The following PRKCZ variants were observed in gnomAD, a reference collection of about 807,000 sequenced individuals.
PRKCZ encodes the protein protein kinase C zeta type.
PRKCZ carries 33 observed loss-of-function variants against 79.5 expected under a neutral mutation model. That is an observed-to-expected ratio of 0.41 (90% CI 0.31 to 0.55). PRKCZ has a LOEUF of 0.55. Ranked by LOEUF, PRKCZ falls within the 20% of genes least tolerant of loss-of-function variation. PRKCZ has a pLI of 0.19. For missense variants in PRKCZ, 578 were observed against 813.5 expected (o/e 0.71, Z 3.52); for synonymous variants, 342 against 320.9 (o/e 1.07, Z -0.70).
intron 4 of PRKCZ, among the ~76,000 whole-genome samples, chr1:2,061,525 C>A (rs749911190): frequency 2.0e-5 from 3 of 152,140 alleles, no homozygotes; most frequent in Non-Finnish European, 4.4e-5. Flanking sequence ...CGAGGAAGGA[C>A]CTCCTGGGAC....
intron 4 of PRKCZ, among the ~76,000 whole-genome samples, chr1:2,103,486 G>T (rs1215265508): frequency 2.6e-5 from 4 of 152,132 alleles, no homozygotes; most frequent in Non-Finnish European, 5.9e-5. Context: ...CAGGTGCTCC[G>T]CAGGGAAAGC....
intron 4 of PRKCZ, among the ~76,000 whole-genome samples, chr1:2,085,212 G>A (rs949254293): frequency 6.6e-6 from 1 of 152,206 alleles, no homozygotes; most frequent in African/African-American, 2.4e-5. Context: ...AGACTGTACG[G>A]CTCTCTGAAA....
intron 4 of PRKCZ, among the ~76,000 whole-genome samples, chr1:2,119,017 T>G (rs1671320931): frequency 6.6e-6 from 1 of 151,122 alleles, no homozygotes; most frequent in African/African-American, 2.4e-5. Context: ...TCCCTCTTTC[T>G]TGCCTTCTTT....
intron 4 of PRKCZ, among the ~76,000 whole-genome samples, chr1:2,105,871 T>C (rs1668309923): frequency 6.6e-6 from 1 of 152,140 alleles, no homozygotes; most frequent in Non-Finnish European, 1.5e-5. Context: ...GGATGAGAAT[T>C]ATTCTCAGGT....
chr1:2,099,742 T>A (rs956378214), intron 4 of PRKCZ, among the ~76,000 whole-genome samples: 1 of 152,208 alleles, frequency 6.6e-6, no homozygotes, highest in Non-Finnish European at 1.5e-5. Context: ...CCATGTTAGT[T>A]GCACATTTCA....
At chr1:2,148,809 C>A in intron 7 of PRKCZ, 63 bp from the exon 8 acceptor site, 3 of 1,541,954 alleles carry the variant, frequency 1.9e-6, no homozygotes, top group Non-Finnish European at 2.7e-6. Flanking sequence ...CACAGGGTCG[C>A]TGTGTTCCCA....
chr1:2,132,160 T>C (rs1421704961), intron 4 of PRKCZ, among the ~76,000 whole-genome samples: 1 of 152,194 alleles, frequency 6.6e-6, no homozygotes, highest in Non-Finnish European at 1.5e-5. Flanking sequence ...TCTATAGCAA[T>C]GGCACCATGT....
intron 4 of PRKCZ, among the ~76,000 whole-genome samples, chr1:2,068,509 G>T (rs922542289): frequency 7.2e-5 from 11 of 152,280 alleles, no homozygotes; most frequent in African/African-American, 2.4e-4. Flanking sequence ...CCGGTGGTCG[G>T]CTTTGGGGCC....
rs1683073495 is a variant in PRKCZ at position 2,165,091 on chromosome 1, T to C, written c.975-4427T>C. 6.6e-6 allele frequency among the ~76,000 whole-genome samples: 1 copy of C among 152,232 alleles called. No individual in the cohort carries two copies. Among genetic ancestry groups the C allele is most frequent in the Admixed American group, 6.5e-5 (1 of 15,286 alleles). ...TGGGCACTTTCTGGCCTTTTATCTT[T>C]GATGGAGAAATCCGAGGCCTGCCAG... is the stretch of plus-strand genomic sequence containing the variant. On this transcript the variant is annotated intron_variant, in intron 10 of 17. Transcript: ENST00000378567. The surrounding 1 kb of genome is among the most constrained non-coding windows in gnomAD (Gnocchi z 4.1).
chr1:2,164,041 C>T (rs1682844360), intron 10 of PRKCZ, among the ~76,000 whole-genome samples: 1 of 152,202 alleles, frequency 6.6e-6, no homozygotes, highest in African/African-American at 2.4e-5. Context: ...GGTATTGAAC[C>T]ATCCTTAGAT....
At chr1:2,167,527 C>G (rs1683576481) in intron 10 of PRKCZ, among the ~76,000 whole-genome samples, 1 of 152,162 alleles carries the variant, frequency 6.6e-6, no homozygotes, top group East Asian at 1.9e-4. Flanking sequence ...AAGGGACCAG[C>G]ACCCATTGGG....
In PRKCZ at chr1:2,082,860, T is replaced by C. The variant is rs1253441572; in HGVS notation, c.334+23269T>C. Among the ~76,000 whole-genome samples the C allele has an allele frequency of 7.4e-6, 1 of 134,822 alleles. No individual in the cohort carries two copies. Among genetic ancestry groups the C allele is most frequent in the African/African-American group, 2.8e-5 (1 of 35,312 alleles). 88.4% of individuals were successfully genotyped at this position (134,822 alleles called of 152,430 possible). On this transcript the variant is annotated intron_variant, in intron 4 of 17. Coordinates refer to ENST00000378567, the MANE Select transcript of PRKCZ (RefSeq NM_002744.6). This position sits in a 1 kb window ranked among gnomAD's most constrained non-coding sequence, Gnocchi z 4.4. ...GCGGCCAAGGGCGTGAGGGAGAGGG[T>C]GGAGGGGTGGTGTGAGGGTGCAAGG...
intron 4 of PRKCZ, among the ~76,000 whole-genome samples, chr1:2,079,072 G>A (rs1339372944): frequency 6.6e-6 from 1 of 152,188 alleles, no homozygotes; most frequent in Non-Finnish European, 1.5e-5. Context: ...TCGATCTTCT[G>A]ACCTTGTGAT....
rs986073144 is a variant in PRKCZ at position 2,082,932 on chromosome 1, C to T, written c.334+23341C>T. 2.0e-5 allele frequency among the ~76,000 whole-genome samples: 3 copies of T among 151,724 alleles called. No individual in the cohort carries two copies. The highest frequency in any genetic ancestry group is 4.4e-5 in the Non-Finnish European group (3 of 67,916). On this transcript the variant is annotated intron_variant, in intron 4 of 17. Coordinates refer to ENST00000378567, the MANE Select transcript of PRKCZ (RefSeq NM_002744.6). This position sits in a 1 kb window ranked among gnomAD's most constrained non-coding sequence, Gnocchi z 4.4. ...GTGAGGGCGCGAGAGGGTGGAGGGGCGGCATGAGGGAGCAAGCCACCTCGG... is the reference window on the plus strand; with the variant it reads ...GTGAGGGCGCGAGAGGGTGGAGGGGTGGCATGAGGGAGCAAGCCACCTCGG...
intron 4 of PRKCZ, among the ~76,000 whole-genome samples, chr1:2,092,216 G>T (rs1398632558): frequency 6.8e-6 from 1 of 146,558 alleles, no homozygotes; most frequent in Non-Finnish European, 1.5e-5. Flanking sequence ...CCCTCCCCCT[G>T]TTTTCCTACG....
At chr1:2,135,071 A>C (rs543868971) in intron 4 of PRKCZ, 191 bp from the exon 5 acceptor site, 1 of 516,538 alleles carries the variant, frequency 1.9e-6, no homozygotes, top group Non-Finnish European at 3.5e-6. Flanking sequence ...CGAGGCCGTG[A>C]CACCATGAGG....
Position 2,055,951 on chromosome 1 carries a change from G to C in PRKCZ, c.193+389G>C, listed in dbSNP as rs78824488. 692 of 197,786 alleles carry C rather than the reference G, an allele frequency of 3.5e-3. 32 individuals are homozygous for C. The East Asian group carries it at 0.08, about 23-fold the overall frequency. The allele number at this position is 197,786 out of a possible 1,614,324, so 12.3% of individuals were successfully genotyped here. ...AGGGCACAAGCAGCCAGGGCCTGCC[G>C]TGTCCACCTCCTGTCTCTTAGACAC... is the stretch of plus-strand genomic sequence containing the variant. On this transcript the variant is annotated intron_variant, in intron 2 of 17. Transcript: ENST00000378567.
At chr1:2,150,001 AC>A (rs1374841698) in intron 8 of PRKCZ, among the ~76,000 whole-genome samples, 5 of 150,208 alleles carry the variant, frequency 3.3e-5, no homozygotes, top group Admixed American at 1.3e-4. Flanking sequence ...TACTAAAAAT[AC>A]AAAAAAAAAA....
At position 2,150,298 on chromosome 1, in the gene PRKCZ, G is replaced by A. The variant is rs565177928; in HGVS notation, c.688-492G>A. Among the ~76,000 whole-genome samples, 288 of 152,260 alleles carry A rather than the reference G, an allele frequency of 1.9e-3. 2 individuals carry two copies. Among genetic ancestry groups the A allele is most frequent in the African/African-American group, 6.5e-3 (270 of 41,568 alleles). On this transcript the variant is annotated intron_variant, in intron 8 of 17. Transcript: ENST00000378567. Reference sequence around the variant, plus strand: ...AGAGGCTTCTGTTCTTCCTCGGAGCGCCTTTCTCCTGGGTATTTCTAATAA... The same window carrying A: ...AGAGGCTTCTGTTCTTCCTCGGAGCACCTTTCTCCTGGGTATTTCTAATAA...
Sources: allele counts gnomAD v4.1 joint callset (sites outside exome capture counted in the v4.1 genomes callset), GRCh38; gene constraint gnomAD v4.1.1; non-coding constraint Gnocchi (gnomAD v3.1); transcripts MANE v1.5; gene names NCBI Gene and HGNC (gene_info 2026-07-23, HGNC 2026-07-21).